The following TBCCD1 variants were observed in gnomAD, a reference collection of about 807,000 sequenced individuals.
The protein encoded by TBCCD1 is TBCC domain containing 1.
Under a neutral mutation model 53.4 loss-of-function variants are expected in TBCCD1, and 26 were observed. The observed-to-expected ratio is 0.49, with a 90% CI of 0.36 to 0.68. The LOEUF is 0.68. TBCCD1 is among the 30% of genes least tolerant of loss of function. The probability of loss-of-function intolerance (pLI) is 0.00; values close to 1 mark genes in which losing one functional copy is unlikely to be tolerated. For synonymous variants in TBCCD1, 245 were observed against 241.7 expected (o/e 1.01, Z -0.13); for missense variants, 558 against 669.5 (o/e 0.83, Z 1.84).
chr3:186,566,695 A>G (rs1714842053), intron 1 of TBCCD1, among the ~76,000 whole-genome samples: 1 of 152,232 alleles, frequency 6.6e-6, no homozygotes, highest in Non-Finnish European at 1.5e-5. Context: ...CAGAATAAAG[A>G]GTCTTAGACA....
intron 6 of TBCCD1, among the ~76,000 whole-genome samples, chr3:186,553,867 GAC>G (rs2108456175): frequency 6.7e-6 from 1 of 148,896 alleles, no homozygotes; most frequent in Non-Finnish European, 1.5e-5. Context: ...TTTTTTTTGA[GAC>G]ACAGTTTCAC....
At position 186,564,305 on chromosome 3, in the gene TBCCD1, AGAG is replaced by A. The variant is rs1377841977; in HGVS notation, c.22_24del (p.Leu8del). 4 of 1,614,058 alleles carry A rather than the reference AGAG, an allele frequency of 2.5e-6. No individual in the cohort carries two copies. The highest frequency in any genetic ancestry group is 4.5e-5 in the East Asian group (2 of 44,884). ...ACTATAAAGGGTTCTGCTTTCACCC[AGAG>A]GAGAACTCTGGACTGATCCATATTA... On this transcript the variant is annotated inframe_deletion, in exon 2 of 8. Coordinates refer to ENST00000338733, the MANE Select transcript of TBCCD1 (RefSeq NM_018138.5).
intron 2 of TBCCD1, among the ~76,000 whole-genome samples, chr3:186,561,752 G>A (rs1267872989): frequency 2.6e-5 from 4 of 152,080 alleles, no homozygotes; most frequent in South Asian, 4.1e-4. Context: ...TCGCGCCACC[G>A]CGCTCCAGCC....
intron 2 of TBCCD1, among the ~76,000 whole-genome samples, chr3:186,561,547 T>C (rs539437791): frequency 2.1e-4 from 32 of 152,338 alleles, no homozygotes; most frequent in African/African-American, 7.7e-4. Flanking sequence ...CCCAGCACTT[T>C]GGGAGGCCGA....
intron 4 of TBCCD1, among the ~76,000 whole-genome samples, chr3:186,555,492 T>G (rs926050147): frequency 2.6e-5 from 4 of 152,200 alleles, no homozygotes; most frequent in African/African-American, 9.7e-5. Flanking sequence ...TAAATTACCA[T>G]AATATTAATT....
At position 186,548,750 on chromosome 3, in the gene TBCCD1, G is replaced by A. The variant is rs141445110; in HGVS notation, c.*22-1795C>T. On this transcript the variant is annotated intron_variant, in intron 7 of 7. Coordinates refer to ENST00000338733, the MANE Select transcript of TBCCD1 (RefSeq NM_018138.5). ...CAAACATCTTCAGTTACAAAATTTC[G>A]GTTAGCTAAGAGGAATACATTGAAG... 2.1e-3 allele frequency among the ~76,000 whole-genome samples: 318 copies of A among 151,558 alleles called. 2 individuals carry two copies. Among genetic ancestry groups the A allele is most frequent in the African/African-American group, 7.2e-3 (299 of 41,336 alleles).
upstream of TBCCD1, among the ~76,000 whole-genome samples, chr3:186,568,916 AAATAAAG>A (rs2108468709): frequency 2.9e-5 from 4 of 135,764 alleles, no homozygotes; most frequent in South Asian, 2.3e-4. Flanking sequence ...AAAAAAAAAG[AAATAAAG>A]AAAAGAAAAC....
chr3:186,559,697 T>C (rs1360705591), intron 2 of TBCCD1, among the ~76,000 whole-genome samples: 2 of 152,234 alleles, frequency 1.3e-5, no homozygotes, highest in Non-Finnish European at 1.5e-5. Context: ...CATGAATTTG[T>C]ATATTTTATA....
rs146317646 is a variant in TBCCD1, at chr3:186,562,990, C to G, written c.336+1004G>C. Among the ~76,000 whole-genome samples the G allele has an allele frequency of 3.0e-3, 463 of 152,314 alleles. 4 individuals carry two copies. The highest frequency in any genetic ancestry group is 0.01 in the African/African-American group (436 of 41,568). ...GACAAATGCCATAGCAAAAATGAAG[C>G]CCACATGTAAAATGGGCAAGAAATA... On this transcript the variant is annotated intron_variant, in intron 2 of 7. Transcript: ENST00000338733.
chr3:186,553,303 C>A (rs1714431034), intron 6 of TBCCD1: 1 of 152,156 alleles, frequency 6.6e-6, no homozygotes, highest in African/African-American at 2.4e-5. Flanking sequence ...TGTAGAGAAT[C>A]TAACCATTTA....
upstream of TBCCD1, among the ~76,000 whole-genome samples, chr3:186,568,828 AG>A (rs1714911197): frequency 6.6e-6 from 1 of 151,098 alleles, no homozygotes; most frequent in African/African-American, 2.4e-5. Flanking sequence ...GCTTGAACCC[AG>A]GAGGCGGAGG....
At chr3:186,547,900 TA>T (rs750277918) in intron 7 of TBCCD1, among the ~76,000 whole-genome samples, 1 of 151,262 alleles carries the variant, frequency 6.6e-6, no homozygotes, top group African/African-American at 2.4e-5. Flanking sequence ...CTAAATTCTT[TA>T]AAAAAAAATA....
At position 186,556,872 on chromosome 3, in the gene TBCCD1, T is replaced by TC. The variant is rs565279800; in HGVS notation, c.493-98dup. The TC allele has an allele frequency of 1.5e-3, 2,186 of 1,414,208 alleles. 4 individuals carry two copies. The highest frequency in any genetic ancestry group is 1.9e-3 in the Non-Finnish European group (2,045 of 1,055,694). The allele number at this position is 1,414,208 out of a possible 1,614,324, so 87.6% of individuals were successfully genotyped here. ...TATTTTGTATTTATACTCTGCCTCA[T>TC]CCCCCAAAAGGAATTAGGTAGTTAT... is the stretch of plus-strand genomic sequence containing the variant. On this transcript the variant is annotated intron_variant, in intron 3 of 7. Transcript: ENST00000338733.
At chr3:186,556,308 T>C in intron 4 of TBCCD1, 101 bp downstream of exon 4, 1 of 1,344,754 alleles carries the variant, frequency 7.4e-7, no homozygotes, top group Non-Finnish European at 1.0e-6. Context: ...CAGTATTTTT[T>C]AGGTCTTCTA....
At chr3:186,567,170 C>T (rs1048953714) in intron 1 of TBCCD1, 97 bp downstream of exon 1, 1 of 152,326 alleles carries the variant, frequency 6.6e-6, no homozygotes, top group African/African-American at 2.4e-5. Context: ...CGGTAGCTGA[C>T]CCGAGACGCG....
Position 186,558,472 on chromosome 3 carries a change from G to A in TBCCD1, c.437C>T (p.Pro146Leu), listed in dbSNP as rs1380448261. ...GTCAGGAGACTGAGATTTGTTTCTG[G>A]GACTGGGCCACTCTTCGCCAATCAA... ...TSLIGEEWPSPRNKSQSPDLT... is the reference protein window; with the variant it reads ...TSLIGEEWPSLRNKSQSPDLT... The change falls in exon 3 of 8, where the codon CCC (proline) becomes CTC (leucine). Residue 146 changes from proline (P) to leucine (L), a missense_variant. Physicochemically the swap from Pro to Leu is moderately conservative, Grantham distance 98 (BLOSUM62 -3). Coordinates refer to ENST00000338733, the MANE Select transcript of TBCCD1 (RefSeq NM_018138.5). The A allele has an allele frequency of 1.2e-6, 2 of 1,614,060 alleles. No homozygotes were observed. The highest frequency in any genetic ancestry group is 1.3e-5 in the African/African-American group (1 of 75,010).
At chr3:186,549,502 T>A (rs948015910) in intron 7 of TBCCD1, among the ~76,000 whole-genome samples, 3 of 151,996 alleles carry the variant, frequency 2.0e-5, no homozygotes, top group Non-Finnish European at 4.4e-5. Flanking sequence ...TGAGACCCTG[T>A]CTCTAAAGAA....
upstream of TBCCD1, among the ~76,000 whole-genome samples, chr3:186,569,062 TGAGGG>T (rs1714925760): frequency 6.6e-6 from 1 of 151,830 alleles, no homozygotes; most frequent in East Asian, 1.9e-4. Flanking sequence ...TGCTAGCACA[TGAGGG>T]AGAGTACAGT....
intron 6 of TBCCD1, among the ~76,000 whole-genome samples, chr3:186,551,658 T>G (rs1409170137): frequency 2.6e-5 from 4 of 152,070 alleles, no homozygotes; most frequent in Non-Finnish European, 5.9e-5. Flanking sequence ...GACTATATAT[T>G]CTAGTAGGAA....
Sources: gnomAD v4.1 joint callset for allele counts (sites outside exome capture counted in the v4.1 genomes callset) on GRCh38, gnomAD v4.1.1 for gene constraint, MANE v1.5 for transcripts, NCBI Gene and HGNC (gene_info 2026-07-23, HGNC 2026-07-21) for gene names.